Variants in RPTOR observed in about 807,000 individuals in gnomAD.
The protein encoded by RPTOR is regulatory associated protein of MTOR complex 1.
In RPTOR, 21 loss-of-function variants were observed where a neutral mutation model predicts 169.9. The observed-to-expected ratio is 0.12, with a 90% CI of 0.09 to 0.18. The LOEUF (loss-of-function observed/expected upper bound fraction) is 0.18. Ranked by LOEUF, RPTOR falls within the 10% of genes least tolerant of loss-of-function variation. RPTOR has a pLI of 1.00. For missense variants in RPTOR, 1,133 were observed against 1,855.9 expected, an observed-to-expected ratio of 0.61 and a Z score of 7.16; for synonymous variants, 732 against 753.2, an observed-to-expected ratio of 0.97 and a Z score of 0.46.
intron 1 of RPTOR, among the ~76,000 whole-genome samples, chr17:80,561,344 C>T (rs1384165826): frequency 6.8e-6 from 1 of 147,996 alleles, no homozygotes; most frequent in Non-Finnish European, 1.5e-5. Context: ...CTCCTGACCT[C>T]GTGATCCGTC....
At chr17:80,741,951 C>T (rs2066485890) in intron 5 of RPTOR, among the ~76,000 whole-genome samples, 1 of 152,168 alleles carries the variant, frequency 6.6e-6, no homozygotes, top group African/African-American at 2.4e-5. Context: ...GGAAAAGCCT[C>T]AGGAAAGCCT....
intron 3 of RPTOR, among the ~76,000 whole-genome samples, chr17:80,693,308 C>A (rs566290667): frequency 4.6e-5 from 7 of 152,342 alleles, no homozygotes; most frequent in Non-Finnish European, 7.3e-5. Context: ...TGTCTGCAGA[C>A]AACACCAGTG....
At position 80,823,351 on chromosome 17, in the gene RPTOR, AAGTGAAG is replaced by A; in HGVS notation, c.1136+129_1136+135del. ...CTTGGGGACCCCGTGTAGCATTAAC[AAGTGAAG>A]CTAAATGCAGGGCTCCCAGAGATCT... On this transcript the variant is annotated intron_variant, in intron 9 of 33. Coordinates refer to ENST00000306801, the MANE Select transcript of RPTOR (RefSeq NM_020761.3). The surrounding 1 kb of genome is among the most constrained non-coding windows in gnomAD (Gnocchi z 4.5). 1 of 1,186,720 alleles carries A rather than the reference AAGTGAAG, an allele frequency of 8.4e-7. No individual in the cohort carries two copies. Among genetic ancestry groups the A allele is most frequent in the Non-Finnish European group, 1.2e-6 (1 of 852,782 alleles). 73.5% of individuals were successfully genotyped at this position (1,186,720 alleles called of 1,614,324 possible).
At chr17:80,894,012 G>A in intron 20 of RPTOR, 147 bp downstream of exon 20, 2 of 846,802 alleles carry the variant, frequency 2.4e-6, no homozygotes, top group Non-Finnish European at 3.4e-6. Context: ...GGACTGCGAG[G>A]CAGGGAGAAC....
At chr17:80,607,052 A>G (rs2065234520) in intron 1 of RPTOR, among the ~76,000 whole-genome samples, 2 of 152,128 alleles carry the variant, frequency 1.3e-5, no homozygotes, top group Non-Finnish European at 2.9e-5. Context: ...TTAGCAGCTG[A>G]GTGTGAGGTG....
intron 3 of RPTOR, among the ~76,000 whole-genome samples, chr17:80,675,752 A>T (rs1298139059): frequency 6.6e-6 from 1 of 152,156 alleles, no homozygotes; most frequent in African/African-American, 2.4e-5. Context: ...TCACACCAGC[A>T]CATCCGTGAA....
chr17:80,934,489 G>C (rs549278153), intron 24 of RPTOR, among the ~76,000 whole-genome samples: 13 of 152,160 alleles, frequency 8.5e-5, no homozygotes, highest in Non-Finnish European at 1.9e-4. Flanking sequence ...CTCCCCAGGA[G>C]CTGGGACTAC....
intron 1 of RPTOR, among the ~76,000 whole-genome samples, chr17:80,615,326 C>A (rs776138528): frequency 2.0e-5 from 3 of 152,144 alleles, no homozygotes; most frequent in Non-Finnish European, 4.4e-5. Flanking sequence ...GGCCTCGAGT[C>A]TCAGGGTCTA....
At chr17:80,882,185 C>T (rs192684514) in intron 14 of RPTOR, among the ~76,000 whole-genome samples, 63 of 152,264 alleles carry the variant, frequency 4.1e-4, no homozygotes, top group Non-Finnish European at 7.8e-4. Flanking sequence ...GGGCTGGGAA[C>T]GTTCACCATG....
intron 3 of RPTOR, among the ~76,000 whole-genome samples, chr17:80,700,765 G>A (rs1479482392): frequency 7.0e-6 from 1 of 143,222 alleles, no homozygotes; most frequent in Non-Finnish European, 1.6e-5. Flanking sequence ...TGATGGTGAT[G>A]GTGATGGTAG....
At chr17:80,744,425 T>G (rs1344258157) in intron 5 of RPTOR, among the ~76,000 whole-genome samples, 10 of 98,920 alleles carry the variant, frequency 1.0e-4, no homozygotes, top group African/African-American at 1.8e-4. Context: ...CCCTGGCTAC[T>G]AGCACAGCCC....
chr17:80,760,092 G>A (rs1245806741), intron 6 of RPTOR, among the ~76,000 whole-genome samples: 1 of 152,054 alleles, frequency 6.6e-6, no homozygotes, highest in Non-Finnish European at 1.5e-5. Context: ...TAGGGCTTTG[G>A]GATTTAGGCG....
intron 9 of RPTOR, among the ~76,000 whole-genome samples, chr17:80,824,687 C>T (rs896466001): frequency 2.0e-5 from 3 of 152,216 alleles, no homozygotes; most frequent in East Asian, 1.9e-4. Context: ...GTTGAGCACT[C>T]GGAGCGGGGT....
At position 80,726,495 on chromosome 17, in the gene RPTOR, T is replaced by C. The variant is rs1162012978; in HGVS notation, c.508-4065T>C. Among the ~76,000 whole-genome samples, 1 of 152,220 alleles carries C rather than the reference T, an allele frequency of 6.6e-6. No individual in the cohort carries two copies. The highest frequency in any genetic ancestry group is 1.5e-5 in the Non-Finnish European group (1 of 68,044). ...CAGAATTTAAAATGGAGATTTTGAT[T>C]TTGATTTTGGCAAATGTGGAAAATA... On this transcript the variant is annotated intron_variant, in intron 4 of 33. Transcript: ENST00000306801. The surrounding 1 kb of genome is among the most constrained non-coding windows in gnomAD (Gnocchi z 4.5).
At chr17:80,830,143 T>C (rs1393352665) in intron 9 of RPTOR, among the ~76,000 whole-genome samples, 1 of 152,204 alleles carries the variant, frequency 6.6e-6, no homozygotes, top group East Asian at 1.9e-4. Context: ...GGTCCCACGC[T>C]ATAGGTGTAC....
chr17:80,884,091 C>A, intron 16 of RPTOR, 119 bp downstream of exon 16: 1 of 955,458 alleles, frequency 1.0e-6, no homozygotes, highest in African/African-American at 1.6e-5. Context: ...AGGGGCTGCA[C>A]GCTAATAAGA....
intron 9 of RPTOR, 103 bp from the exon 10 acceptor site, chr17:80,837,819 C>T: frequency 9.1e-7 from 1 of 1,104,468 alleles, no homozygotes; most frequent in Non-Finnish European, 1.4e-6. Flanking sequence ...CCGCCCAGAC[C>T]CTTGCTGCCC....
chr17:80,725,440 T>G (rs566056108), intron 4 of RPTOR, among the ~76,000 whole-genome samples: 1 of 152,372 alleles, frequency 6.6e-6, no homozygotes, highest in South Asian at 2.1e-4. Context: ...CTCTGTACTT[T>G]TAGTTTTGGA....
At chr17:80,763,217 G>A (rs2066752725) in intron 6 of RPTOR, among the ~76,000 whole-genome samples, 1 of 152,040 alleles carries the variant, frequency 6.6e-6, no homozygotes, top group Admixed American at 6.6e-5. Flanking sequence ...CTGCACTCCA[G>A]CCTGGGTGAC....
Sources: allele counts gnomAD v4.1 joint callset (sites outside exome capture counted in the v4.1 genomes callset), GRCh38; gene constraint gnomAD v4.1.1; non-coding constraint Gnocchi (gnomAD v3.1); transcripts MANE v1.5; gene names NCBI Gene and HGNC (gene_info 2026-07-23, HGNC 2026-07-21).